The following PGM1 variants were observed in gnomAD, a reference collection of about 807,000 sequenced individuals.
PGM1 encodes the protein phosphoglucomutase 1.
Under a neutral mutation model 55.6 loss-of-function variants are expected in PGM1, and 52 were observed. The ratio of observed to expected loss-of-function variants is 0.94; its 90% CI spans 0.75 to 1.18. The LOEUF is 1.18. PGM1 is among the 50% of genes most tolerant of loss of function. The pLI, the probability that PGM1 is intolerant of heterozygous loss-of-function variation, is 0.00. For synonymous variants in PGM1, 287 were observed against 271.7 expected, an observed-to-expected ratio of 1.06 and a Z score of -0.55; for missense variants, 724 against 729.3, an observed-to-expected ratio of 0.99 and a Z score of 0.08.
intron 1 of PGM1, 29 bp from the exon 2 acceptor site, chr1:63,629,394 TAA>T: frequency 6.2e-7 from 1 of 1,604,598 alleles, no homozygotes; most frequent in South Asian, 1.1e-5. Context: ...GTATTGATGT[TAA>T]AGAGTGTGTT....
rs1649812740 is a variant in PGM1, at chr1:63,651,734, T to C, written c.1346T>C (p.Met449Thr). ...NKMMKDLEAL[M>T]FDRSFVGKQF... is the part of the protein sequence containing the mutation. ...ATGATGAAGGACTTGGAGGCCCTGA[T>C]GTTTGATCGCTCCTTTGTGGGGAAG... The change falls in exon 9 of 11, where the codon ATG (methionine) becomes ACG (threonine). Residue 449 changes from methionine (M) to threonine (T), a missense_variant. Met to Thr is a moderately conservative substitution (Grantham distance 81). Around this residue, in one of 3 missense-constraint regions of PGM1, gnomAD observed 316 missense variants for 313.1 expected, o/e 1.01. Coordinates refer to ENST00000371084, the MANE Select transcript of PGM1 (RefSeq NM_002633.3). 1 of 1,613,892 alleles carries C rather than the reference T, an allele frequency of 6.2e-7. No individual in the cohort carries two copies. The highest frequency in any genetic ancestry group is 1.3e-5 in the African/African-American group (1 of 75,022).
At chr1:63,607,597 C>T (rs1648456775) in intron 1 of PGM1, among the ~76,000 whole-genome samples, 1 of 152,114 alleles carries the variant, frequency 6.6e-6, no homozygotes, top group Non-Finnish European at 1.5e-5. Context: ...GCAGACCAGG[C>T]TGTCAAAAAA....
intron 6 of PGM1, among the ~76,000 whole-genome samples, chr1:63,637,476 C>T (rs1310142626): frequency 1.3e-5 from 2 of 152,176 alleles, no homozygotes; most frequent in Non-Finnish European, 2.9e-5. Flanking sequence ...AAGAAAATAG[C>T]CACTAATATC....
In PGM1 at chr1:63,638,495, GAATCCACATATAAT is replaced by G. The variant is rs138231758; in HGVS notation, c.1029-188_1029-175del. 0.056 allele frequency among the ~76,000 whole-genome samples: 8,536 copies of G among 152,192 alleles called. 328 individuals are homozygous for G. Among genetic ancestry groups the G allele is most frequent in the Non-Finnish European group, 0.08 (5,454 of 67,976 alleles). ...AATTCTTTCTTCTTCCGCCTTCTCTGAATCCACATATAATAGCCCATTGTGCACAAGGTTTCTCT... is the reference window on the plus strand; with the variant it reads ...AATTCTTTCTTCTTCCGCCTTCTCTGAGCCCATTGTGCACAAGGTTTCTCT... On this transcript the variant is annotated intron_variant, in intron 6 of 10. Transcript: ENST00000371084.
chr1:63,599,556 A>T (rs1376193109), intron 1 of PGM1, among the ~76,000 whole-genome samples: 1 of 151,656 alleles, frequency 6.6e-6, no homozygotes, highest in Admixed American at 6.6e-5. Context: ...GGCTTACCGC[A>T]CTTGAGTGGG....
intron 1 of PGM1, among the ~76,000 whole-genome samples, chr1:63,621,573 T>G (rs1648880077): frequency 6.6e-6 from 1 of 152,170 alleles, no homozygotes; most frequent in Non-Finnish European, 1.5e-5. Context: ...AAATAGGAAT[T>G]TAAAAAATCA....
chr1:63,642,682 T>C (rs922591565), intron 7 of PGM1, among the ~76,000 whole-genome samples: 50 of 152,300 alleles, frequency 3.3e-4, no homozygotes, highest in African/African-American at 1.1e-3. Flanking sequence ...CTTAGAGATA[T>C]GTAAGTTATG....
chr1:63,647,222 G>A (rs1413065430), intron 7 of PGM1, among the ~76,000 whole-genome samples: 14 of 138,468 alleles, frequency 1.0e-4, no homozygotes, highest in African/African-American at 3.0e-4. Flanking sequence ...CAGCCTGGGC[G>A]AAAGAGCGAA....
chr1:63,638,157 T>C (rs1649410620), intron 6 of PGM1, among the ~76,000 whole-genome samples: 2 of 152,208 alleles, frequency 1.3e-5, no homozygotes, highest in African/African-American at 4.8e-5. Flanking sequence ...CTGGGGAGAC[T>C]TCTGATGAGA....
chr1:63,614,241 G>A (rs1050366061), intron 1 of PGM1, among the ~76,000 whole-genome samples: 2 of 152,186 alleles, frequency 1.3e-5, no homozygotes, highest in African/African-American at 4.8e-5. Flanking sequence ...AGATCTCCAA[G>A]ATACTAAAAA....
chr1:63,624,136 G>T (rs1648960765), intron 1 of PGM1, among the ~76,000 whole-genome samples: 2 of 152,172 alleles, frequency 1.3e-5, no homozygotes, highest in Admixed American at 6.6e-5. Context: ...GGAGAGAAGA[G>T]GATTTTGTTT....
intron 1 of PGM1, among the ~76,000 whole-genome samples, chr1:63,601,376 A>C (rs1648237802): frequency 6.6e-6 from 1 of 152,238 alleles, no homozygotes; most frequent in East Asian, 1.9e-4. Context: ...TTTATGTCAC[A>C]GTGGTGTAGT....
chr1:63,652,707 C>G (rs1649842508), intron 9 of PGM1, among the ~76,000 whole-genome samples: 1 of 152,200 alleles, frequency 6.6e-6, no homozygotes, highest in South Asian at 2.1e-4. Flanking sequence ...CAAGGCATCT[C>G]ATAGGGTTTG....
chr1:63,647,303 T>TATATATAC (rs1649682813), intron 7 of PGM1, among the ~76,000 whole-genome samples: 1 of 133,052 alleles, frequency 7.5e-6, no homozygotes, highest in South Asian at 2.4e-4. Context: ...TATATATATA[T>TATATATAC]ATATAGTATT....
rs60618789 is a variant in PGM1, at chr1:63,604,917, CTGTGTGTGTG to C, written c.246+11217_246+11226del. 6.5e-4 allele frequency among the ~76,000 whole-genome samples: 77 copies of C among 118,830 alleles called. 1 individual carries two copies. Among genetic ancestry groups the C allele is most frequent in the African/African-American group, 1.3e-3 (38 of 29,060 alleles). 78.0% of individuals were successfully genotyped at this position (118,830 alleles called of 152,430 possible). On this transcript the variant is annotated intron_variant, in intron 1 of 10. Transcript: ENST00000371084. ...TATATAGGGAGGGAGTTACATAACTCTGTGTGTGTGTGTGTGTGTGTGTGTGTGTGTGTGT... is the reference window on the plus strand; with the variant it reads ...TATATAGGGAGGGAGTTACATAACTCTGTGTGTGTGTGTGTGTGTGTGTGT...
intron 1 of PGM1, among the ~76,000 whole-genome samples, chr1:63,626,298 C>T (rs562557713): frequency 6.6e-6 from 1 of 152,316 alleles, no homozygotes; most frequent in East Asian, 1.9e-4. Context: ...ACAACCATCA[C>T]CACTATCCAT....
intron 1 of PGM1, among the ~76,000 whole-genome samples, chr1:63,600,785 A>G (rs1285703918): frequency 6.6e-6 from 1 of 152,216 alleles, no homozygotes; most frequent in African/African-American, 2.4e-5. Flanking sequence ...ATGTTATAAA[A>G]TTATGCCTCA....
intron 7 of PGM1, among the ~76,000 whole-genome samples, chr1:63,642,469 C>T (rs1348335201): frequency 6.6e-6 from 1 of 152,070 alleles, no homozygotes; most frequent in Non-Finnish European, 1.5e-5. Flanking sequence ...GTTTTTTCTT[C>T]CTAACCGTGG....
chr1:63,630,502 G>A (rs2100982844), intron 3 of PGM1, among the ~76,000 whole-genome samples: 1 of 152,316 alleles, frequency 6.6e-6, no homozygotes, highest in East Asian at 1.9e-4. Context: ...AGGAAACAAA[G>A]GCTGAGAGAG....
Sources: gnomAD v4.1 joint callset for allele counts (sites outside exome capture counted in the v4.1 genomes callset) on GRCh38, gnomAD v4.1.1 for gene constraint, gnomAD v4.1.1 regional missense constraint, MANE v1.5 for transcripts, NCBI Gene and HGNC (gene_info 2026-07-23, HGNC 2026-07-21) for gene names.